KCTD16: variants seen among roughly 807,000 people sequenced by gnomAD.
KCTD16 encodes the protein potassium channel tetramerization domain containing 16, also known as BTB/POZ domain-containing protein KCTD16.
Under a neutral mutation model 33.2 loss-of-function variants are expected in KCTD16, and 13 were observed. The observed-to-expected ratio is 0.39, with a 90% confidence interval of 0.25 to 0.62. KCTD16 has a LOEUF of 0.62. Ranked by LOEUF, KCTD16 falls within the 20% of genes least tolerant of loss-of-function variation. The pLI, the probability that KCTD16 is intolerant of heterozygous loss-of-function variation, is 0.50. For synonymous variants in KCTD16, 197 were observed against 195.3 expected (o/e 1.01, Z -0.07); for missense variants, 441 against 525.1 (o/e 0.84, Z 1.57).
chr5:144,175,337 A>G (rs1320207572), intron 2 of KCTD16, among the ~76,000 whole-genome samples: 1 of 152,230 alleles, frequency 6.6e-6, no homozygotes, highest in Non-Finnish European at 1.5e-5. Flanking sequence ...ATGCTAAAGC[A>G]GTAGGCTGTA....
chr5:144,466,858 G>A (rs1010846975), intron 3 of KCTD16, among the ~76,000 whole-genome samples: 2 of 150,056 alleles, frequency 1.3e-5, no homozygotes, highest in African/African-American at 4.9e-5. Flanking sequence ...GTAAAGTGCT[G>A]AGCACAATAA....
At chr5:144,443,172 T>C (rs1022779083) in intron 3 of KCTD16, among the ~76,000 whole-genome samples, 1 of 152,116 alleles carries the variant, frequency 6.6e-6, no homozygotes, top group Non-Finnish European at 1.5e-5. Context: ...GACACTAGGA[T>C]CTGGAAAGTG....
At chr5:144,249,871 G>T (rs1393261786) in intron 3 of KCTD16, among the ~76,000 whole-genome samples, 9 of 152,246 alleles carry the variant, frequency 5.9e-5, no homozygotes, top group African/African-American at 2.2e-4. Context: ...CAAATAACAT[G>T]CTAGGTCTCT....
At position 144,478,498 on chromosome 5, in the gene KCTD16, T is replaced by G. The variant is rs928349089; in HGVS notation, c.*4384T>G. 1.3e-5 allele frequency: 2 copies of G among 152,010 alleles called. No individual in the cohort carries two copies. Among genetic ancestry groups the G allele is most frequent in the African/African-American group, 4.8e-5 (2 of 41,410 alleles). The allele number at this position is 152,010 out of a possible 1,614,324, so 9.4% of individuals were successfully genotyped here. A position where few individuals can be genotyped will look rare whatever the true frequency, so the allele number is the denominator to read the frequency against. ...CTCCATTGCAAACTTTTTAATAGTG[T>G]TTTTTAATACTCAGTATGCACAAAA... On this transcript the variant is annotated 3_prime_UTR_variant, in exon 4 of 4. Transcript: ENST00000512467.
Position 144,236,402 on chromosome 5 carries a change from A to G in KCTD16, c.832+28856A>G, listed in dbSNP as rs144790651. The stretch of plus-strand genomic sequence containing the variant: ...GGAACAGCATATGCAGGGGCATGGA[A>G]CATTGAAGGGATGATTCCATAGAAA... On this transcript the variant is annotated intron_variant, in intron 3 of 3. Transcript: ENST00000512467. Among the ~76,000 whole-genome samples the G allele has an allele frequency of 1.3e-3, 204 of 152,242 alleles. 5 individuals carry two copies. The East Asian group carries it at 0.032, about 24-fold the overall frequency.
intron 3 of KCTD16, among the ~76,000 whole-genome samples, chr5:144,365,286 A>AC (rs1751807136): frequency 6.6e-6 from 1 of 152,150 alleles, no homozygotes; most frequent in African/African-American, 2.4e-5. Context: ...GGTAGAAAAA[A>AC]ATAATTCATT....
intron 3 of KCTD16, among the ~76,000 whole-genome samples, chr5:144,258,619 G>A (rs1417057270): frequency 6.6e-6 from 1 of 152,192 alleles, no homozygotes; most frequent in Non-Finnish European, 1.5e-5. Context: ...AACAGGAAGA[G>A]ATAACAATTA....
intron 3 of KCTD16, among the ~76,000 whole-genome samples, chr5:144,420,903 AATTTC>A (rs1753194997): frequency 6.6e-6 from 1 of 152,172 alleles, no homozygotes; most frequent in Non-Finnish European, 1.5e-5. Context: ...TCCGAATGTG[AATTTC>A]ACGCTTGATG....
At chr5:144,340,498 T>G (rs1327184146) in intron 3 of KCTD16, among the ~76,000 whole-genome samples, 1 of 149,752 alleles carries the variant, frequency 6.7e-6, no homozygotes, top group Non-Finnish European at 1.5e-5. Flanking sequence ...ACAGTTCTGG[T>G]GATAAAGCAG....
In KCTD16 at chr5:144,475,374, C is replaced by G. The variant is rs1450847377; in HGVS notation, c.*1260C>G. On this transcript the variant is annotated 3_prime_UTR_variant, in exon 4 of 4. Transcript: ENST00000512467. ...TCATTTTTATGATGTCTGTAACAAC[C>G]CAACAAGGTAACTGAAGCTCCAGAG... is the stretch of plus-strand genomic sequence containing the variant. The G allele has an allele frequency of 6.6e-6, 1 of 152,148 alleles. No homozygotes were observed. The highest frequency in any genetic ancestry group is 1.9e-4 in the East Asian group (1 of 5,188). The allele number at this position is 152,148 out of a possible 1,614,324, so 9.4% of individuals were successfully genotyped here.
At chr5:144,230,258 C>A (rs747922654) in intron 3 of KCTD16, among the ~76,000 whole-genome samples, 1 of 152,178 alleles carries the variant, frequency 6.6e-6, no homozygotes, top group African/African-American at 2.4e-5. Context: ...GCTGCATTTT[C>A]GTCTTTGCCA....
chr5:144,176,423 T>C (rs1752508989), intron 2 of KCTD16, among the ~76,000 whole-genome samples: 1 of 133,732 alleles, frequency 7.5e-6, no homozygotes, highest in Non-Finnish European at 1.6e-5. Context: ...TGAGACGGAG[T>C]CTCGCTCTGT....
intron 2 of KCTD16, among the ~76,000 whole-genome samples, chr5:144,189,390 G>A (rs1752793489): frequency 1.3e-5 from 2 of 151,918 alleles, no homozygotes; most frequent in African/African-American, 2.4e-5. Flanking sequence ...CAGCTGCTCG[G>A]GAGGCTGAGG....
chr5:144,335,185 C>T (rs1393099064), intron 3 of KCTD16, among the ~76,000 whole-genome samples: 3 of 152,178 alleles, frequency 2.0e-5, no homozygotes, highest in Non-Finnish European at 4.4e-5. Flanking sequence ...CCAGAATTAA[C>T]TCCCATGACA....
At chr5:144,302,933 G>T (rs897292659) in intron 3 of KCTD16, among the ~76,000 whole-genome samples, 1 of 152,188 alleles carries the variant, frequency 6.6e-6, no homozygotes, top group African/African-American at 2.4e-5. Flanking sequence ...GAAAAGAAAT[G>T]CAGCCTATAG....
At chr5:144,175,624 G>C (rs369146678) in intron 2 of KCTD16, among the ~76,000 whole-genome samples, 1 of 152,302 alleles carries the variant, frequency 6.6e-6, no homozygotes, top group East Asian at 1.9e-4. Flanking sequence ...TAAGGGTAGA[G>C]GCCCTGGAGC....
chr5:144,473,729 G>A lies in KCTD16; in HGVS notation c.902G>A (p.Gly301Glu). 6.2e-7 allele frequency: 1 copy of A among 1,612,672 alleles called. No individual in the cohort carries two copies. Among genetic ancestry groups the A allele is most frequent in the South Asian group, 1.1e-5 (1 of 91,064 alleles). The change falls in exon 4 of 4, where the codon GGG becomes GAG. Residue 301 changes from glycine to glutamate, a missense_variant. Gly to Glu is a moderately conservative substitution (Grantham distance 98, BLOSUM62 -2). This residue lies in a region of KCTD16 where 355 missense variants were observed against 413.0 expected (regional missense o/e 0.86). Transcript: ENST00000512467. ...CCKNGKGDKE[G>E]ESGTSCNDLS... ...AAGAATGGCAAAGGTGACAAAGAAG[G>A]GGAGAGCGGCACGTCTTGCAATGAC...
chr5:144,285,252 C>T (rs181676230), intron 3 of KCTD16, among the ~76,000 whole-genome samples: 1 of 152,282 alleles, frequency 6.6e-6, no homozygotes, highest in East Asian at 1.9e-4. Flanking sequence ...AATTAGTTTT[C>T]AACATCTTTG....
chr5:144,269,308 C>T (rs1444867562), intron 3 of KCTD16, among the ~76,000 whole-genome samples: 1 of 151,908 alleles, frequency 6.6e-6, no homozygotes, highest in African/African-American at 2.4e-5. Context: ...ATCAGACTTT[C>T]AAGCTGAAGA....
Sources: gnomAD v4.1 joint callset for allele counts (sites outside exome capture counted in the v4.1 genomes callset) on GRCh38, gnomAD v4.1.1 for gene constraint, gnomAD v4.1.1 regional missense constraint, MANE v1.5 for transcripts, NCBI Gene and HGNC (gene_info 2026-07-23, HGNC 2026-07-21) for gene names.